PLEKHM3: variants seen among roughly 807,000 people sequenced by gnomAD.
The protein encoded by PLEKHM3 is pleckstrin homology domain-containing family M member 3.
In PLEKHM3, 45 loss-of-function variants were observed where a neutral mutation model predicts 81.8. The observed-to-expected ratio is 0.55, with a 90% confidence interval of 0.43 to 0.71. The LOEUF (loss-of-function observed/expected upper bound fraction) is 0.71. Among genes scored for constraint, PLEKHM3 ranks in the 30% least tolerant of loss-of-function variants. PLEKHM3 has a pLI of 0.00. For missense variants in PLEKHM3, 788 were observed against 924.3 expected (o/e 0.85, Z 1.91); for synonymous variants, 352 against 356.4 (o/e 0.99, Z 0.14).
intron 3 of PLEKHM3, among the ~76,000 whole-genome samples, chr2:207,963,725 T>C (rs1690815373): frequency 6.6e-6 from 1 of 152,222 alleles, no homozygotes; most frequent in Admixed American, 6.5e-5. Context: ...CCTTTCTTTA[T>C]ACTAGCCACC....
chr2:207,891,802 C>G lies in PLEKHM3; in HGVS notation c.1950+16712G>C, dbSNP rs571689007. ...ATATTTATGAGGCACTTTTTCTTGC[C>G]CAGGCACTGCTCCTAGGATTGGGGT... On this transcript the variant is annotated intron_variant, in intron 6 of 7. Coordinates refer to ENST00000427836, the MANE Select transcript of PLEKHM3 (RefSeq NM_001080475.3). 2.8e-4 allele frequency among the ~76,000 whole-genome samples: 43 copies of G among 152,214 alleles called. No homozygotes were observed. The East Asian group carries it at 8.3e-3, about 29-fold the overall frequency.
chr2:207,911,091 G>A (rs960867809), intron 5 of PLEKHM3, among the ~76,000 whole-genome samples: 1 of 152,114 alleles, frequency 6.6e-6, no homozygotes, highest in South Asian at 2.1e-4. Context: ...CTGGGCCTGA[G>A]ATGTAGAAGA....
chr2:207,891,316 C>A (rs1057313828), intron 6 of PLEKHM3, among the ~76,000 whole-genome samples: 7 of 152,352 alleles, frequency 4.6e-5, no homozygotes, highest in Non-Finnish European at 1.0e-4. Flanking sequence ...GGGGCATTCA[C>A]TATATGCCAA....
intron 1 of PLEKHM3, among the ~76,000 whole-genome samples, chr2:208,010,660 G>A (rs1692658420): frequency 1.3e-5 from 2 of 152,232 alleles, no homozygotes; most frequent in Admixed American, 1.3e-4. Context: ...TAGTGTGGCT[G>A]ACTGCAACAG....
intron 2 of PLEKHM3, among the ~76,000 whole-genome samples, chr2:207,979,057 G>T (rs2106037574): frequency 6.6e-6 from 1 of 152,218 alleles, no homozygotes; most frequent in African/African-American, 2.4e-5. Flanking sequence ...TAGAAATAAG[G>T]TACCTAGCAC....
chr2:207,918,212 G>A (rs1348056957), intron 5 of PLEKHM3, among the ~76,000 whole-genome samples: 2 of 152,158 alleles, frequency 1.3e-5, no homozygotes, highest in South Asian at 2.1e-4. Flanking sequence ...TAAGTGAAAT[G>A]GTTAAGGATA....
intron 7 of PLEKHM3, among the ~76,000 whole-genome samples, chr2:207,859,638 C>A (rs973445151): frequency 9.9e-5 from 15 of 151,292 alleles, no homozygotes; most frequent in Non-Finnish European, 1.8e-4. Flanking sequence ...TGCTGTGTTG[C>A]CCAGGCTGGA....
At chr2:207,964,283 G>A (rs1382834759) in intron 3 of PLEKHM3, among the ~76,000 whole-genome samples, 1 of 152,100 alleles carries the variant, frequency 6.6e-6, no homozygotes, top group Non-Finnish European at 1.5e-5. Flanking sequence ...AAATCAATAG[G>A]AAAGCTTGTT....
At chr2:207,885,322 T>C (rs952248292) in intron 6 of PLEKHM3, among the ~76,000 whole-genome samples, 6 of 152,226 alleles carry the variant, frequency 3.9e-5, no homozygotes, top group Admixed American at 3.3e-4. Context: ...GCCTTGAAGC[T>C]TCCTGGAGTT....
At chr2:207,859,604 G>GT (rs796755920) in intron 7 of PLEKHM3, among the ~76,000 whole-genome samples, 1,576 of 137,824 alleles carry the variant, frequency 0.011, 27 homozygotes, top group African/African-American at 0.035. Flanking sequence ...TGTGCATTTT[G>GT]TTTTTTTTTT....
At chr2:207,923,880 C>T (rs113378629) in intron 5 of PLEKHM3, among the ~76,000 whole-genome samples, 97 of 56,786 alleles carry the variant, frequency 1.7e-3, no homozygotes, top group African/African-American at 5.6e-3. Flanking sequence ...CACACACACA[C>T]ATATATATAT....
In PLEKHM3 at chr2:208,001,152, A is replaced by G; in HGVS notation, c.488T>C (p.Leu163Pro). 1 of 1,613,254 alleles carries G rather than the reference A, an allele frequency of 6.2e-7. No homozygotes were observed. Residue 163 changes from leucine to proline, a missense_variant, in exon 2 of 8, where the codon CTC (leucine) becomes CCC (proline). Physicochemically the swap from Leu to Pro is moderately conservative, Grantham distance 98. Coordinates refer to ENST00000427836, the MANE Select transcript of PLEKHM3 (RefSeq NM_001080475.3). ...DITQVDWRVV[L>P]KTTPLQQQQQ... ...CTGCTGCTGCAAAGGCGTGGTTTTGAGGACTACCCTCCAGTCCACTTGGGT... is the reference window on the plus strand; with the variant it reads ...CTGCTGCTGCAAAGGCGTGGTTTTGGGGACTACCCTCCAGTCCACTTGGGT...
intron 6 of PLEKHM3, among the ~76,000 whole-genome samples, chr2:207,872,279 C>T (rs1332360465): frequency 1.3e-5 from 2 of 152,176 alleles, no homozygotes. Context: ...AGTTCCTGCA[C>T]AGAAGCAGGA....
chr2:207,909,754 C>A (rs1172105827), intron 5 of PLEKHM3, among the ~76,000 whole-genome samples: 1 of 152,142 alleles, frequency 6.6e-6, no homozygotes, highest in East Asian at 1.9e-4. Context: ...GAAAACAAAA[C>A]AAAAACTCTC....
chr2:207,992,755 A>C (rs1014897112), intron 2 of PLEKHM3, among the ~76,000 whole-genome samples: 1 of 152,212 alleles, frequency 6.6e-6, no homozygotes, highest in African/African-American at 2.4e-5. Flanking sequence ...TTAATTGAGA[A>C]AAATCTGGAA....
At chr2:207,915,325 C>T (rs559352718) in intron 5 of PLEKHM3, among the ~76,000 whole-genome samples, 3 of 152,232 alleles carry the variant, frequency 2.0e-5, no homozygotes, top group East Asian at 3.9e-4. Flanking sequence ...AAATCAAAGG[C>T]AGTAGTCTTA....
intron 7 of PLEKHM3, among the ~76,000 whole-genome samples, chr2:207,828,699 G>A (rs1015374894): frequency 1.3e-5 from 2 of 152,138 alleles, no homozygotes; most frequent in South Asian, 4.1e-4. Flanking sequence ...AAACATTTTT[G>A]CTTTTCTGAT....
chr2:207,895,771 T>G (rs1308189093), intron 6 of PLEKHM3, among the ~76,000 whole-genome samples: 1 of 152,252 alleles, frequency 6.6e-6, no homozygotes, highest in East Asian at 1.9e-4. Context: ...GGCCAACTTT[T>G]GTTTACTGGG....
At chr2:207,931,280 T>C (rs554487842) in intron 4 of PLEKHM3, among the ~76,000 whole-genome samples, 161 bp from the exon 5 acceptor site, 10 of 152,368 alleles carry the variant, frequency 6.6e-5, no homozygotes, top group Admixed American at 1.3e-4. Flanking sequence ...TTTTGACTTC[T>C]CTCTCTTCCA....
Sources: gnomAD v4.1 joint callset for allele counts (sites outside exome capture counted in the v4.1 genomes callset) on GRCh38, gnomAD v4.1.1 for gene constraint, MANE v1.5 for transcripts, NCBI Gene and HGNC (gene_info 2026-07-23, HGNC 2026-07-21) for gene names.